Variants in SOX5 observed in about 807,000 individuals in gnomAD.
SOX5 encodes transcription factor SOX-5.
SOX5 carries 9 observed loss-of-function variants against 92.0 expected under a neutral mutation model. The observed-to-expected ratio is 0.10, with a 90% confidence interval of 0.06 to 0.17. The LOEUF is 0.17. SOX5 is among the 10% of genes least tolerant of loss of function. The pLI is 1.00. For missense variants in SOX5, 642 were observed against 944.5 expected (o/e 0.68, Z 4.20); for synonymous variants, 344 against 336.3 (o/e 1.02, Z -0.25).
At chr12:23,580,200 C>T (rs1294513682) in intron 9 of SOX5, among the ~76,000 whole-genome samples, 1 of 151,970 alleles carries the variant, frequency 6.6e-6, no homozygotes, top group Non-Finnish European at 1.5e-5. Context: ...GAAAGTAAGG[C>T]TTAGAAAGTT....
chr12:24,271,584 T>A (rs1943737916), intron 3 of SOX5, among the ~76,000 whole-genome samples: 1 of 152,190 alleles, frequency 6.6e-6, no homozygotes, highest in Admixed American at 6.5e-5. Flanking sequence ...CAGGTTATGA[T>A]CTTAGAGTCT....
At chr12:23,945,209 T>C (rs972534652) in intron 1 of SOX5, among the ~76,000 whole-genome samples, 3 of 152,192 alleles carry the variant, frequency 2.0e-5, no homozygotes, top group Non-Finnish European at 2.9e-5. Flanking sequence ...GGAGGACTAA[T>C]GTGCTAAAGA....
chr12:23,606,894 G>C (rs774696397), intron 8 of SOX5, among the ~76,000 whole-genome samples: 19 of 151,888 alleles, frequency 1.3e-4, no homozygotes, highest in Non-Finnish European at 2.1e-4. Context: ...GATAGACCCA[G>C]TTGAATATGC....
intron 2 of SOX5, among the ~76,000 whole-genome samples, chr12:24,330,989 G>A (rs990688554): frequency 5.3e-5 from 8 of 152,164 alleles, no homozygotes; most frequent in African/African-American, 1.4e-4. Context: ...ACAAGGCTGC[G>A]GCTAAATGGG....
chr12:24,534,522 C>T (rs973584804), intron 1 of SOX5, among the ~76,000 whole-genome samples: 1 of 152,146 alleles, frequency 6.6e-6, no homozygotes, highest in Non-Finnish European at 1.5e-5. Flanking sequence ...ACTTACAGCA[C>T]ATTTTTTAAA....
intron 4 of SOX5, among the ~76,000 whole-genome samples, chr12:24,016,023 A>G (rs538279400): frequency 4.6e-5 from 7 of 152,310 alleles, no homozygotes; most frequent in South Asian, 4.1e-4. Context: ...AAAAGAACAG[A>G]GCATGAGGAA....
chr12:24,284,457 T>TGTGTGC (rs199762563), intron 2 of SOX5, among the ~76,000 whole-genome samples: 1 of 147,528 alleles, frequency 6.8e-6, no homozygotes, highest in African/African-American at 2.5e-5. Context: ...TGTGTGTGCG[T>TGTGTGC]GTCTTTCATT....
Position 23,711,928 on chromosome 12 carries a change from G to A in SOX5, c.810+22756C>T, listed in dbSNP as rs963007384. Among the ~76,000 whole-genome samples the A allele has an allele frequency of 5.3e-5, 8 of 152,190 alleles. No homozygotes were observed. In the South Asian group the frequency reaches 6.2e-4, roughly 12 times the overall value. On this transcript the variant is annotated intron_variant, in intron 6 of 14. Transcript: ENST00000451604. ...CCCTCTTTTAGCTGGGCACCATCTT[G>A]GTGCTCTAATTTATTTCTAATGACT...
chr12:23,770,181 C>T (rs769009816), intron 3 of SOX5, among the ~76,000 whole-genome samples: 15 of 151,656 alleles, frequency 9.9e-5, no homozygotes, highest in Non-Finnish European at 1.6e-4. Context: ...CTCCCCTATC[C>T]GTGGCAGAAA....
intron 4 of SOX5, among the ~76,000 whole-genome samples, chr12:24,196,721 T>C (rs963439333): frequency 6.6e-6 from 1 of 151,958 alleles, no homozygotes; most frequent in Non-Finnish European, 1.5e-5. Context: ...CTGGGCAATA[T>C]GGCAAAACTC....
At chr12:23,687,437 T>C (rs2139949345) in intron 6 of SOX5, among the ~76,000 whole-genome samples, 1 of 152,202 alleles carries the variant, frequency 6.6e-6, no homozygotes, top group Non-Finnish European at 1.5e-5. Flanking sequence ...ATTGCGTTTT[T>C]TAAAAAGCAC....
At chr12:24,018,555 G>T (rs1288419349) in intron 4 of SOX5, among the ~76,000 whole-genome samples, 2 of 152,104 alleles carry the variant, frequency 1.3e-5, no homozygotes, top group East Asian at 3.9e-4. Flanking sequence ...CAGTACTTTG[G>T]GAGGCCAAGG....
intron 6 of SOX5, among the ~76,000 whole-genome samples, chr12:23,681,189 G>A (rs2086568520): frequency 6.6e-6 from 1 of 151,928 alleles, no homozygotes. Flanking sequence ...CTCAGGAGGA[G>A]CAATACAGTA....
At chr12:23,843,589 A>T (rs2096542853) in intron 3 of SOX5, among the ~76,000 whole-genome samples, 1 of 95,614 alleles carries the variant, frequency 1.0e-5, no homozygotes, top group Non-Finnish European at 1.8e-5. Flanking sequence ...TTTGAGACAG[A>T]GTCTCGCTCT....
At chr12:24,013,992 AAG>A (rs1953271115) in intron 4 of SOX5, among the ~76,000 whole-genome samples, 1 of 152,190 alleles carries the variant, frequency 6.6e-6, no homozygotes. Flanking sequence ...TGCAAATAAG[AAG>A]AGAGAGATGG....
chr12:24,296,023 GT>G (rs1947195921), intron 2 of SOX5, among the ~76,000 whole-genome samples: 1 of 152,124 alleles, frequency 6.6e-6, no homozygotes, highest in Non-Finnish European at 1.5e-5. Context: ...TTTAGAATAT[GT>G]CTCATCCTTA....
chr12:24,375,108 A>G lies in SOX5; in HGVS notation c.-250-6469T>C, dbSNP rs553439785. Among the ~76,000 whole-genome samples, 543 of 151,664 alleles carry G rather than the reference A, an allele frequency of 3.6e-3. 3 individuals are homozygous for G. The highest frequency in any genetic ancestry group is 5.9e-3 in the Non-Finnish European group (403 of 67,772). ...CTGCCTCAGCCTCCCGAGTAGCTGG[A>G]ACTACAGGCGCCCGCCACTACGCCC... On this transcript the variant is annotated intron_variant, in intron 1 of 4. Coordinates refer to the SOX5 transcript ENST00000446891.
chr12:23,909,415 T>C (rs2097326951), intron 1 of SOX5, among the ~76,000 whole-genome samples: 1 of 152,192 alleles, frequency 6.6e-6, no homozygotes. Context: ...GAAATTTTAC[T>C]GATTAGCACA....
chr12:24,506,993 T>G (rs1048632171), intron 1 of SOX5, among the ~76,000 whole-genome samples: 1 of 151,814 alleles, frequency 6.6e-6, no homozygotes, highest in Non-Finnish European at 1.5e-5. Flanking sequence ...GGTTTCACCT[T>G]GTTAGCCAGG....
Sources: gnomAD v4.1 joint callset for allele counts (sites outside exome capture counted in the v4.1 genomes callset) on GRCh38, gnomAD v4.1.1 for gene constraint, MANE v1.5 for transcripts, NCBI Gene and HGNC (gene_info 2026-07-23, HGNC 2026-07-21) for gene names.